ULK2: variants seen among roughly 807,000 people sequenced by gnomAD.
ULK2 encodes unc-51 like autophagy activating kinase 2.
In ULK2, 76 loss-of-function variants were observed where a neutral mutation model predicts 127.5. The observed-to-expected ratio is 0.60, with a 90% CI of 0.50 to 0.72. The LOEUF (loss-of-function observed/expected upper bound fraction) is 0.72. ULK2 is among the 30% of genes least tolerant of loss of function. The pLI is 0.00. For synonymous variants in ULK2, 452 were observed against 461.9 expected (o/e 0.98, Z 0.28); for missense variants, 1,144 against 1,295.9 (o/e 0.88, Z 1.80).
chr17:19,808,154 G>C (rs2087553779), intron 14 of ULK2, among the ~76,000 whole-genome samples: 1 of 152,102 alleles, frequency 6.6e-6, no homozygotes, highest in Middle Eastern at 3.2e-3. Context: ...TCTCAGACAA[G>C]AATGCTAAGA....
chr17:19,800,379 C>A (rs1368201315), intron 16 of ULK2, among the ~76,000 whole-genome samples: 1 of 152,132 alleles, frequency 6.6e-6, no homozygotes, highest in East Asian at 1.9e-4. Context: ...ATCAAGAGGG[C>A]TCATTCCAAG....
chr17:19,800,176 T>C (rs969338940), intron 16 of ULK2, among the ~76,000 whole-genome samples: 1 of 152,212 alleles, frequency 6.6e-6, no homozygotes. Context: ...GTGTTGGACC[T>C]ATGTCTTGGT....
intron 18 of ULK2, 64 bp downstream of exon 18, chr17:19,797,332 A>C (rs946803401): frequency 9.5e-6 from 14 of 1,473,944 alleles, no homozygotes; most frequent in Admixed American, 2.4e-5. Flanking sequence ...CTATTCTCAT[A>C]ATGAATCCTT....
intron 9 of ULK2, among the ~76,000 whole-genome samples, chr17:19,839,720 C>T (rs1413259017): frequency 6.6e-6 from 1 of 150,784 alleles, no homozygotes; most frequent in South Asian, 2.1e-4. Flanking sequence ...TACAAAGGAG[C>T]CAAATTCACT....
rs544899492 is a variant in ULK2 at position 19,858,684 on chromosome 17, T to C, written c.225+6119A>G. On this transcript the variant is annotated intron_variant, in intron 3 of 26. Transcript: ENST00000395544. ...CCCTAATGGTTTAAGAAAAAAAAAA[T>C]ACCAGCTGGGCGCAGTGGCTCACAT... Among the ~76,000 whole-genome samples, 58 of 151,368 alleles carry C rather than the reference T, an allele frequency of 3.8e-4. 2 individuals are homozygous for C. The South Asian group carries it at 0.01, about 27-fold the overall frequency.
At chr17:19,813,774 A>C (rs2040899716) in intron 13 of ULK2, among the ~76,000 whole-genome samples, 1 of 152,216 alleles carries the variant, frequency 6.6e-6, no homozygotes, top group Non-Finnish European at 1.5e-5. Flanking sequence ...AGAAAAGTAT[A>C]AAAATGTATC....
intron 6 of ULK2, among the ~76,000 whole-genome samples, chr17:19,846,182 A>G: frequency 6.6e-6 from 1 of 152,100 alleles, no homozygotes; most frequent in Admixed American, 6.6e-5. Context: ...TAAGCACACC[A>G]CATCAATTTT....
chr17:19,830,294 G>A (rs991188128), intron 10 of ULK2, among the ~76,000 whole-genome samples: 6 of 151,996 alleles, frequency 3.9e-5, no homozygotes, highest in Admixed American at 6.6e-5. Flanking sequence ...CAAACTCCTG[G>A]GCTGAAGTAA....
In ULK2 at chr17:19,810,295, A is replaced by C. The variant is rs535362231; in HGVS notation, c.1157+83T>G. 76 of 909,714 alleles carry C rather than the reference A, an allele frequency of 8.4e-5. 1 individual carries two copies. In the Admixed American group the frequency reaches 1.5e-3, roughly 19 times the overall value. The allele number at this position is 909,714 out of a possible 1,614,324, so 56.4% of individuals were successfully genotyped here. A position where few individuals can be genotyped will look rare whatever the true frequency, so the allele number is the denominator to read the frequency against. ...GACTGTAAAACAAAATAAATCTTAA[A>C]TCAAGAACACTAAGTTCTATAACCT... On this transcript the variant is annotated intron_variant, in intron 14 of 26. Transcript: ENST00000395544.
At chr17:19,797,354 C>T in intron 18 of ULK2, 42 bp downstream of exon 18, 1 of 1,560,536 alleles carries the variant, frequency 6.4e-7, no homozygotes, top group South Asian at 1.2e-5. Flanking sequence ...CCATAAAGTA[C>T]TATACCAGTT....
rs183704145 is a variant in ULK2 at position 19,845,557 on chromosome 17, T to G, written c.470-180A>C. ...CTTGATTTCAGCAAGCTAAAAATAG[T>G]AGTAATCGTCAACTGTACAAGTCAC... On this transcript the variant is annotated intron_variant, in intron 6 of 26. Coordinates refer to ENST00000395544, the MANE Select transcript of ULK2 (RefSeq NM_014683.4). Among the ~76,000 whole-genome samples the G allele has an allele frequency of 1.5e-3, 234 of 152,226 alleles. 2 individuals carry two copies. The highest frequency in any genetic ancestry group is 5.2e-3 in the African/African-American group (214 of 41,550).
chr17:19,808,411 A>G (rs2087558485), intron 14 of ULK2, among the ~76,000 whole-genome samples: 1 of 152,232 alleles, frequency 6.6e-6, no homozygotes, highest in Non-Finnish European at 1.5e-5. Flanking sequence ...CACAGGCAAC[A>G]AAACAAAAAA....
chr17:19,788,962 A>G (rs1001081991), intron 20 of ULK2, among the ~76,000 whole-genome samples: 4 of 152,166 alleles, frequency 2.6e-5, no homozygotes. Context: ...TTTTTATTCC[A>G]ACCCCTGACT....
At chr17:19,829,399 G>A (rs769443361) in intron 10 of ULK2, among the ~76,000 whole-genome samples, 1 of 151,866 alleles carries the variant, frequency 6.6e-6, no homozygotes, top group Admixed American at 6.6e-5. Context: ...AGCCAGGTGT[G>A]GTAGCTTTGC....
chr17:19,821,994 C>CT (rs796128705), intron 12 of ULK2, among the ~76,000 whole-genome samples: 327 of 139,636 alleles, frequency 2.3e-3, no homozygotes, highest in Middle Eastern at 0.016. Context: ...CTGACCTTAT[C>CT]TTTTTTTTTT....
chr17:19,841,331 C>T (rs1373408824), intron 9 of ULK2, among the ~76,000 whole-genome samples, 158 bp downstream of exon 9: 1 of 152,112 alleles, frequency 6.6e-6, no homozygotes, highest in African/African-American at 2.4e-5. Flanking sequence ...ACACAGACAC[C>T]TATGATGTGC....
chr17:19,835,666 G>A (rs1038790783), intron 10 of ULK2, among the ~76,000 whole-genome samples: 3 of 149,926 alleles, frequency 2.0e-5, no homozygotes, highest in Admixed American at 6.6e-5. Flanking sequence ...GCAGTGAGCC[G>A]AGATCCCGCC....
intron 21 of ULK2, 69 bp from the exon 22 acceptor site, chr17:19,783,974 T>G (rs1220582225): frequency 1.6e-6 from 2 of 1,277,286 alleles, no homozygotes. Context: ...CTACTCTTAT[T>G]TACTAAACAA....
At chr17:19,833,242 C>T (rs1171796466) in intron 10 of ULK2, among the ~76,000 whole-genome samples, 3 of 151,696 alleles carry the variant, frequency 2.0e-5, no homozygotes, top group Non-Finnish European at 4.4e-5. Context: ...CAAAAAACCG[C>T]AAGGCATGCA....
Sources: allele counts gnomAD v4.1 joint callset (sites outside exome capture counted in the v4.1 genomes callset), GRCh38; gene constraint gnomAD v4.1.1; transcripts MANE v1.5; gene names NCBI Gene and HGNC (gene_info 2026-07-23, HGNC 2026-07-21).